LRRC4C: variants seen among roughly 807,000 people sequenced by gnomAD.
The protein encoded by LRRC4C is leucine-rich repeat-containing protein 4C.
Under a neutral mutation model 33.6 loss-of-function variants are expected in LRRC4C, and 5 were observed. That is an observed-to-expected ratio of 0.15 (90% CI 0.08 to 0.31). The LOEUF (loss-of-function observed/expected upper bound fraction) is 0.31. Ranked by LOEUF, LRRC4C falls within the 10% of genes least tolerant of loss-of-function variation. The probability of loss-of-function intolerance (pLI) is 1.00; values close to 1 mark genes in which losing one functional copy is unlikely to be tolerated. For synonymous variants in LRRC4C, 329 were observed against 302.0 expected (o/e 1.09, Z -0.93); for missense variants, 560 against 796.7 (o/e 0.70, Z 3.58).
chr11:41,399,123 G>T (rs754494595), intron 1 of LRRC4C, among the ~76,000 whole-genome samples: 1 of 151,952 alleles, frequency 6.6e-6, no homozygotes, highest in Non-Finnish European at 1.5e-5. Flanking sequence ...GTCCATATGA[G>T]ATTGCACCTC....
intron 4 of LRRC4C, among the ~76,000 whole-genome samples, chr11:40,307,047 T>G (rs1945075861): frequency 6.6e-6 from 1 of 151,098 alleles, no homozygotes; most frequent in African/African-American, 2.4e-5. Flanking sequence ...AATTTTTTTT[T>G]GTTTTTGTTT....
chr11:40,252,803 A>G (rs1165201595), intron 4 of LRRC4C, among the ~76,000 whole-genome samples: 1 of 152,206 alleles, frequency 6.6e-6, no homozygotes, highest in African/African-American at 2.4e-5. Flanking sequence ...TATATATGGC[A>G]TATTTTATGT....
intron 5 of LRRC4C, among the ~76,000 whole-genome samples, chr11:40,155,449 G>A (rs1332527558): frequency 6.6e-6 from 1 of 151,982 alleles, no homozygotes; most frequent in East Asian, 1.9e-4. Flanking sequence ...AAAATTGATA[G>A]ACCATTATCA....
chr11:40,586,433 A>G (rs2135697036), intron 3 of LRRC4C, among the ~76,000 whole-genome samples: 1 of 146,920 alleles, frequency 6.8e-6, no homozygotes, highest in South Asian at 2.2e-4. Flanking sequence ...TTGCCTGTTC[A>G]CTCTGATGGT....
At chr11:40,824,273 T>A (rs972093540) in intron 2 of LRRC4C, among the ~76,000 whole-genome samples, 1 of 151,944 alleles carries the variant, frequency 6.6e-6, no homozygotes, top group Non-Finnish European at 1.5e-5. Flanking sequence ...CATTTCTAAT[T>A]TGTGAATTTT....
chr11:40,803,567 T>A (rs1009822590), intron 2 of LRRC4C, among the ~76,000 whole-genome samples: 1 of 152,100 alleles, frequency 6.6e-6, no homozygotes, highest in South Asian at 2.1e-4. Context: ...AATTAAAAAT[T>A]GTCTATATGG....
chr11:40,688,360 A>T (rs1945063082), intron 2 of LRRC4C, among the ~76,000 whole-genome samples: 1 of 152,162 alleles, frequency 6.6e-6, no homozygotes, highest in Non-Finnish European at 1.5e-5. Flanking sequence ...AGGACACAAC[A>T]AACTTCTAAA....
chr11:41,442,469 T>C (rs1400925471), intron 1 of LRRC4C, among the ~76,000 whole-genome samples: 7 of 41,612 alleles, frequency 1.7e-4, no homozygotes, highest in African/African-American at 3.0e-4. Flanking sequence ...TTTTTTTTTT[T>C]TTTTTTTTTT....
intron 2 of LRRC4C, among the ~76,000 whole-genome samples, chr11:40,708,092 C>T (rs948405892): frequency 6.6e-6 from 1 of 151,786 alleles, no homozygotes; most frequent in African/African-American, 2.4e-5. Context: ...TCTGTTGATT[C>T]TTCTCACTTT....
intron 2 of LRRC4C, among the ~76,000 whole-genome samples, chr11:40,859,812 C>T (rs917810647): frequency 1.3e-5 from 2 of 152,184 alleles, no homozygotes; most frequent in African/African-American, 2.4e-5. Context: ...CGCGGTGGCT[C>T]ACGCCTGTAA....
At chr11:40,380,441 G>A (rs1249144501) in intron 3 of LRRC4C, among the ~76,000 whole-genome samples, 1 of 152,166 alleles carries the variant, frequency 6.6e-6, no homozygotes, top group African/African-American at 2.4e-5. Flanking sequence ...TAATATAGTG[G>A]TTAAAGATTT....
At chr11:40,460,645 C>T (rs1952349591) in intron 3 of LRRC4C, among the ~76,000 whole-genome samples, 1 of 152,128 alleles carries the variant, frequency 6.6e-6, no homozygotes, top group Non-Finnish European at 1.5e-5. Context: ...ATTTAGTTCA[C>T]CACAATTTCA....
At chr11:40,652,608 C>T (rs906708422) in intron 2 of LRRC4C, among the ~76,000 whole-genome samples, 1 of 152,178 alleles carries the variant, frequency 6.6e-6, no homozygotes, top group Non-Finnish European at 1.5e-5. Flanking sequence ...AACAAGAGTT[C>T]ATGGGATACA....
At chr11:41,167,321 T>C (rs1944775137) in intron 1 of LRRC4C, among the ~76,000 whole-genome samples, 1 of 152,092 alleles carries the variant, frequency 6.6e-6, no homozygotes, top group Admixed American at 6.6e-5. Flanking sequence ...GAGCAGGAGG[T>C]GGCTGCTGAC....
intron 1 of LRRC4C, among the ~76,000 whole-genome samples, chr11:41,217,200 T>C (rs534466850): frequency 6.6e-6 from 1 of 152,332 alleles, no homozygotes; most frequent in African/African-American, 2.4e-5. Context: ...ACAGTGCCCA[T>C]GTTCTGTTAG....
intron 2 of LRRC4C, among the ~76,000 whole-genome samples, chr11:40,815,277 A>C (rs996065261): frequency 2.0e-5 from 3 of 152,116 alleles, no homozygotes; most frequent in Non-Finnish European, 4.4e-5. Flanking sequence ...AGATTTTGTG[A>C]GACTTATTCA....
chr11:41,411,142 A>ATTTTTTGTTTTTTTTTTTT (rs1954464233), intron 1 of LRRC4C, among the ~76,000 whole-genome samples: 1 of 57,240 alleles, frequency 1.7e-5, no homozygotes, highest in Non-Finnish European at 2.9e-5. Flanking sequence ...TTGGTACCCT[A>ATTTTTTGTTTTTTTTTTTT]TTTTTTTTTT....
chr11:40,610,719 A>G (rs1961132046), intron 3 of LRRC4C, among the ~76,000 whole-genome samples: 1 of 151,920 alleles, frequency 6.6e-6, no homozygotes, highest in Admixed American at 6.6e-5. Flanking sequence ...TTGCTTTTCT[A>G]TACACTAAAA....
intron 3 of LRRC4C, among the ~76,000 whole-genome samples, chr11:40,527,876 G>A (rs954244532): frequency 6.6e-6 from 1 of 151,982 alleles, no homozygotes; most frequent in Non-Finnish European, 1.5e-5. Context: ...AGCCTCCCAA[G>A]TAGCTGGGAT....
Sources: gnomAD v4.1 joint callset for allele counts (sites outside exome capture counted in the v4.1 genomes callset) on GRCh38, gnomAD v4.1.1 for gene constraint, MANE v1.5 for transcripts, NCBI Gene and HGNC (gene_info 2026-07-23, HGNC 2026-07-21) for gene names.